Variants in PTPRK observed in about 807,000 individuals in gnomAD.
PTPRK encodes protein tyrosine phosphatase receptor type K, also known as receptor-type tyrosine-protein phosphatase kappa.
A neutral mutation model predicts 178.0 loss-of-function variants in PTPRK; 75 were observed. The observed-to-expected ratio is 0.42, with a 90% CI of 0.35 to 0.51. The LOEUF (loss-of-function observed/expected upper bound fraction) is 0.51. Among genes scored for constraint, PTPRK ranks in the 20% least tolerant of loss-of-function variants. PTPRK has a pLI of 0.02. For missense variants in PTPRK, 1,441 were observed against 1,797.8 expected, an observed-to-expected ratio of 0.80 and a Z score of 3.59; for synonymous variants, 637 against 620.6, an observed-to-expected ratio of 1.03 and a Z score of -0.39.
At chr6:128,436,598 AT>A (rs528184321) in intron 1 of PTPRK, among the ~76,000 whole-genome samples, 4,959 of 148,442 alleles carry the variant, frequency 0.033, 260 homozygotes, top group African/African-American at 0.11. Context: ...CTGTTGAGTG[AT>A]TTTTTTTTTT....
At chr6:128,219,216 T>C (rs1809934803) in intron 5 of PTPRK, 120 bp from the exon 6 acceptor site, 1 of 932,752 alleles carries the variant, frequency 1.1e-6, no homozygotes, top group Non-Finnish European at 1.6e-6. Context: ...ACAATTTTTT[T>C]CCATTGTCAA....
At chr6:128,353,312 T>C (rs1833450592) in intron 2 of PTPRK, among the ~76,000 whole-genome samples, 2 of 152,240 alleles carry the variant, frequency 1.3e-5, no homozygotes, top group East Asian at 3.8e-4. Flanking sequence ...GACAGTATTT[T>C]ATGAAACTAA....
chr6:128,300,748 A>G (rs914647752), intron 3 of PTPRK, among the ~76,000 whole-genome samples: 1 of 151,986 alleles, frequency 6.6e-6, no homozygotes, highest in African/African-American at 2.4e-5. Context: ...TTTAGGAGAT[A>G]TAACTAATGC....
At chr6:128,375,935 T>C (rs1053732764) in intron 2 of PTPRK, among the ~76,000 whole-genome samples, 5 of 152,194 alleles carry the variant, frequency 3.3e-5, no homozygotes, top group Non-Finnish European at 7.3e-5. Flanking sequence ...CCAGTTCATG[T>C]TGATGCAAGA....
At chr6:128,297,617 G>A (rs1475468907) in intron 3 of PTPRK, among the ~76,000 whole-genome samples, 1 of 152,174 alleles carries the variant, frequency 6.6e-6, no homozygotes, top group African/African-American at 2.4e-5. Flanking sequence ...ACCTGCTCCT[G>A]AATGACTACT....
intron 2 of PTPRK, among the ~76,000 whole-genome samples, chr6:128,333,952 G>T (rs1419876005): frequency 2.0e-5 from 3 of 152,064 alleles, no homozygotes; most frequent in African/African-American, 7.2e-5. Flanking sequence ...GCCACCGTAG[G>T]GTTACTAATT....
chr6:128,340,341 G>A (rs780888818), intron 2 of PTPRK, among the ~76,000 whole-genome samples: 2 of 152,134 alleles, frequency 1.3e-5, no homozygotes, highest in Non-Finnish European at 2.9e-5. Context: ...CTCTGTTGAT[G>A]AACATTTCTT....
intron 7 of PTPRK, among the ~76,000 whole-genome samples, chr6:128,158,089 A>C (rs1343837097): frequency 6.6e-6 from 1 of 151,940 alleles, no homozygotes; most frequent in Non-Finnish European, 1.5e-5. Context: ...TTAAGTCTTT[A>C]ATCCATCTTG....
chr6:128,334,952 G>A (rs1322128563), intron 2 of PTPRK, among the ~76,000 whole-genome samples: 2 of 152,142 alleles, frequency 1.3e-5, no homozygotes, highest in Non-Finnish European at 2.9e-5. Context: ...GCCAGGCGTG[G>A]TGGCGGGCAC....
chr6:128,317,061 C>T (rs149230161), intron 3 of PTPRK, among the ~76,000 whole-genome samples: 271 of 152,146 alleles, frequency 1.8e-3, no homozygotes, highest in Middle Eastern at 6.8e-3. Context: ...AAATAAGCCA[C>T]GATGACCGTG....
chr6:128,150,386 T>A (rs1487732918), intron 7 of PTPRK, among the ~76,000 whole-genome samples: 1 of 152,146 alleles, frequency 6.6e-6, no homozygotes, highest in Admixed American at 6.6e-5. Flanking sequence ...ACTCTACCAT[T>A]GTTTATGAAA....
intron 3 of PTPRK, among the ~76,000 whole-genome samples, chr6:128,250,347 C>G (rs1299812032): frequency 2.6e-5 from 4 of 152,130 alleles, no homozygotes; most frequent in Non-Finnish European, 4.4e-5. Flanking sequence ...ATAATTAACT[C>G]TAAGTAAACA....
At chr6:128,066,626 G>A (rs886856903) in intron 12 of PTPRK, among the ~76,000 whole-genome samples, 2 of 151,834 alleles carry the variant, frequency 1.3e-5, no homozygotes, top group Non-Finnish European at 2.9e-5. Flanking sequence ...CTATTAAAAT[G>A]TCATCATTCT....
At chr6:128,411,671 C>T (rs1181840299) in intron 1 of PTPRK, among the ~76,000 whole-genome samples, 1 of 152,126 alleles carries the variant, frequency 6.6e-6, no homozygotes, top group Non-Finnish European at 1.5e-5. Flanking sequence ...AATATTTGGT[C>T]AGAACACAAA....
intron 11 of PTPRK, among the ~76,000 whole-genome samples, chr6:128,078,223 T>C (rs921440596): frequency 6.6e-6 from 1 of 151,978 alleles, no homozygotes; most frequent in Non-Finnish European, 1.5e-5. Context: ...TGCATGAATA[T>C]CTCAAAAATG....
chr6:128,210,686 G>A (rs1449954578), intron 6 of PTPRK, among the ~76,000 whole-genome samples: 1 of 152,010 alleles, frequency 6.6e-6, no homozygotes, highest in East Asian at 1.9e-4. Flanking sequence ...ACTTAGAACA[G>A]GAAAGGACTG....
At chr6:128,112,137 C>A (rs1360770279) in intron 7 of PTPRK, among the ~76,000 whole-genome samples, 3 of 152,058 alleles carry the variant, frequency 2.0e-5, no homozygotes, top group Non-Finnish European at 4.4e-5. Flanking sequence ...ATTTGCTCAA[C>A]AAATATGTTA....
intron 1 of PTPRK, among the ~76,000 whole-genome samples, chr6:128,516,948 T>C (rs992620887): frequency 1.3e-5 from 2 of 151,572 alleles, no homozygotes; most frequent in African/African-American, 4.9e-5. Flanking sequence ...CGAGGTAAGT[T>C]AAAAAAATTA....
At position 127,997,613 on chromosome 6, in the gene PTPRK, G is replaced by T. The variant is rs529902941; in HGVS notation, c.2680-625C>A. Among the ~76,000 whole-genome samples, 16 of 152,142 alleles carry T rather than the reference G, an allele frequency of 1.1e-4. No individual in the cohort carries two copies. The South Asian group carries it at 3.3e-3, about 32-fold the overall frequency. Reference sequence around the variant, plus strand: ...CGGGTGTAAATTTCATTTTGCAAAAGAACTTAAACTTTGCTCAACACAGGA... The same window carrying T: ...CGGGTGTAAATTTCATTTTGCAAAATAACTTAAACTTTGCTCAACACAGGA... On this transcript the variant is annotated intron_variant, in intron 16 of 29. Coordinates refer to ENST00000368226, the MANE Select transcript of PTPRK (RefSeq NM_002844.4).
Sources: allele counts gnomAD v4.1 joint callset (sites outside exome capture counted in the v4.1 genomes callset), GRCh38; gene constraint gnomAD v4.1.1; transcripts MANE v1.5; gene names NCBI Gene and HGNC (gene_info 2026-07-23, HGNC 2026-07-21).